Variants in FAM193A observed in about 807,000 individuals in gnomAD.
FAM193A encodes protein FAM193A.
FAM193A carries 22 observed loss-of-function variants against 126.5 expected under a neutral mutation model. That is an observed-to-expected ratio of 0.17 (90% confidence interval 0.12 to 0.25). The LOEUF (loss-of-function observed/expected upper bound fraction) is 0.25. Among genes scored for constraint, FAM193A ranks in the 10% least tolerant of loss-of-function variants. FAM193A has a pLI of 1.00. For synonymous variants in FAM193A, 761 were observed against 646.8 expected (o/e 1.18, Z -2.68); for missense variants, 1,675 against 1,672.8 (o/e 1.00, Z -0.02).
chr4:2,619,472 A>G (rs1742408995), intron 2 of FAM193A, among the ~76,000 whole-genome samples: 1 of 151,298 alleles, frequency 6.6e-6, no homozygotes, highest in African/African-American at 2.4e-5. Context: ...TAATTTTTGT[A>G]TTTTTGTATT....
At chr4:2,577,966 G>T (rs1011439295) in intron 1 of FAM193A, among the ~76,000 whole-genome samples, 1 of 152,126 alleles carries the variant, frequency 6.6e-6, no homozygotes, top group Non-Finnish European at 1.5e-5. Flanking sequence ...CCATTAGCAC[G>T]TATTATGTAC....
chr4:2,587,158 G>A (rs1740282242), intron 1 of FAM193A, among the ~76,000 whole-genome samples: 1 of 152,206 alleles, frequency 6.6e-6, no homozygotes, highest in African/African-American at 2.4e-5. Context: ...ATGGTGCACA[G>A]CATTTGCATC....
chr4:2,636,706 C>A (rs1259520600), intron 5 of FAM193A, among the ~76,000 whole-genome samples: 2 of 152,186 alleles, frequency 1.3e-5, no homozygotes, highest in Non-Finnish European at 2.9e-5. Context: ...ATCTTTCAAG[C>A]CAACAGCAGC....
intron 1 of FAM193A, among the ~76,000 whole-genome samples, chr4:2,561,532 T>G (rs1207182924): frequency 2.0e-5 from 3 of 149,760 alleles, no homozygotes; most frequent in African/African-American, 7.4e-5. Flanking sequence ...AGTCTCACTT[T>G]GTCGCCCAGG....
chr4:2,606,158 C>G (rs893842950), intron 2 of FAM193A, among the ~76,000 whole-genome samples: 13 of 133,160 alleles, frequency 9.8e-5, no homozygotes, highest in Non-Finnish European at 1.7e-4. Flanking sequence ...TCAAGTGATT[C>G]TCCTGCCTCA....
At chr4:2,608,037 G>A (rs1287659349) in intron 2 of FAM193A, 10 of 1,606,294 alleles carry the variant, frequency 6.2e-6, no homozygotes, top group African/African-American at 1.3e-5. Flanking sequence ...CTTCACGTCC[G>A]GGTGTGCAGC....
chr4:2,648,714 C>G (rs1428357208), intron 7 of FAM193A, among the ~76,000 whole-genome samples: 1 of 152,220 alleles, frequency 6.6e-6, no homozygotes, highest in African/African-American at 2.4e-5. Context: ...CTGCATTCCC[C>G]TCTGCCATCT....
chr4:2,624,995 C>T (rs1376383439), intron 2 of FAM193A, among the ~76,000 whole-genome samples: 1 of 152,192 alleles, frequency 6.6e-6, no homozygotes, highest in Non-Finnish European at 1.5e-5. Context: ...GTAGCTGGGA[C>T]TACAGGCGGG....
chr4:2,628,164 G>A (rs1005939996), intron 4 of FAM193A, among the ~76,000 whole-genome samples: 4 of 152,196 alleles, frequency 2.6e-5, no homozygotes, highest in Admixed American at 6.5e-5. Context: ...GATTACAGGC[G>A]TGAGCCACCG....
At chr4:2,624,953 G>A (rs934536308) in intron 2 of FAM193A, among the ~76,000 whole-genome samples, 3 of 152,172 alleles carry the variant, frequency 2.0e-5, no homozygotes, top group African/African-American at 2.4e-5. Context: ...AACTTCCCAG[G>A]CTCAAGTGAT....
intron 7 of FAM193A, among the ~76,000 whole-genome samples, chr4:2,647,438 G>A (rs1264489770): frequency 2.0e-5 from 3 of 152,096 alleles, no homozygotes; most frequent in African/African-American, 7.2e-5. Context: ...GAGCCACCAC[G>A]CCTGGTCCAG....
chr4:2,637,935 G>A (rs1322069763), intron 5 of FAM193A, among the ~76,000 whole-genome samples: 2 of 152,240 alleles, frequency 1.3e-5, no homozygotes, highest in African/African-American at 4.8e-5. Context: ...TGTCTTGCAT[G>A]CCTCACCTAG....
chr4:2,643,164 C>T (rs926105742), intron 6 of FAM193A, among the ~76,000 whole-genome samples: 3 of 152,154 alleles, frequency 2.0e-5, no homozygotes, highest in East Asian at 1.9e-4. Flanking sequence ...GCACTGACGA[C>T]GCCAGGACAC....
chr4:2,682,242 G>A (rs538611415), intron 13 of FAM193A, among the ~76,000 whole-genome samples: 5 of 152,028 alleles, frequency 3.3e-5, no homozygotes, highest in African/African-American at 7.2e-5. Context: ...CCTCAGCCTC[G>A]CAAAGTGCTG....
intron 19 of FAM193A, among the ~76,000 whole-genome samples, chr4:2,703,679 G>C (rs1033869210): frequency 3.9e-5 from 6 of 152,000 alleles, no homozygotes; most frequent in Non-Finnish European, 7.4e-5. Context: ...AAAGGTAAGT[G>C]TGTTCCCGGT....
intron 1 of FAM193A, among the ~76,000 whole-genome samples, chr4:2,576,140 G>A (rs550865657): frequency 3.7e-4 from 56 of 151,994 alleles, no homozygotes; most frequent in African/African-American, 1.3e-3. Flanking sequence ...ATTGTCGCCC[G>A]GGCTGCAGTG....
At chr4:2,540,516 G>A (rs1737165433) in intron 1 of FAM193A, among the ~76,000 whole-genome samples, 3 of 149,424 alleles carry the variant, frequency 2.0e-5, no homozygotes, top group Admixed American at 6.7e-5. Flanking sequence ...GCGTGGTGGC[G>A]GGCGCCCTGT....
At chr4:2,545,348 A>G (rs372206323) in intron 1 of FAM193A, among the ~76,000 whole-genome samples, 33 of 152,190 alleles carry the variant, frequency 2.2e-4, no homozygotes, top group African/African-American at 7.7e-4. Context: ...TTGGCTCAAC[A>G]TTATATTTGA....
chr4:2,649,316 A>G (rs953828855), intron 7 of FAM193A, among the ~76,000 whole-genome samples: 3 of 149,098 alleles, frequency 2.0e-5, no homozygotes, highest in Non-Finnish European at 3.0e-5. Flanking sequence ...TAGAGGCTGC[A>G]GTGATCTATG....
Sources: gnomAD v4.1 joint callset for allele counts (sites outside exome capture counted in the v4.1 genomes callset) on GRCh38, gnomAD v4.1.1 for gene constraint, MANE v1.5 for transcripts, NCBI Gene and HGNC (gene_info 2026-07-23, HGNC 2026-07-21) for gene names.